PRKACB: variants seen among roughly 807,000 people sequenced by gnomAD.
PRKACB encodes the protein cAMP-dependent protein kinase catalytic subunit beta.
In PRKACB, 16 loss-of-function variants were observed where a neutral mutation model predicts 51.4. The observed-to-expected ratio is 0.31, with a 90% CI of 0.21 to 0.47. The LOEUF (loss-of-function observed/expected upper bound fraction) is 0.47, where lower values mean the gene tolerates loss of function less well. Ranked by LOEUF, PRKACB falls within the 20% of genes least tolerant of loss-of-function variation. PRKACB has a pLI of 1.00. For missense variants in PRKACB, 309 were observed against 464.5 expected (o/e 0.67, Z 3.08); for synonymous variants, 147 against 154.4 (o/e 0.95, Z 0.35).
At chr1:84,199,399 T>A (rs907389777) in intron 7 of PRKACB, among the ~76,000 whole-genome samples, 1 of 152,056 alleles carries the variant, frequency 6.6e-6, no homozygotes, top group Non-Finnish European at 1.5e-5. Context: ...TGAAAACATG[T>A]GGTATTTGGT....
chr1:84,078,473 C>T (rs1571488276), intron 1 of PRKACB: 2 of 1,366,278 alleles, frequency 1.5e-6, no homozygotes. Context: ...CGGGCCAGGC[C>T]TAGCAGCGGC....
rs532705456 is a variant in PRKACB at position 84,206,462 on chromosome 1, A to G, written c.906+3657A>G. Among the ~76,000 whole-genome samples the G allele has an allele frequency of 2.6e-5, 4 of 152,314 alleles. No homozygotes were observed. In the South Asian group the frequency reaches 6.2e-4, roughly 24 times the overall value. ...GGTACTTGAGGCTAAGATTTATTAC[A>G]ACAAAAGGGTACAAAGTGAAGATAG... On this transcript the variant is annotated intron_variant, in intron 8 of 9. Coordinates refer to ENST00000370685, the MANE Select transcript of PRKACB (RefSeq NM_182948.4).
At chr1:84,125,490 G>A (rs1186095161) in intron 1 of PRKACB, among the ~76,000 whole-genome samples, 2 of 152,140 alleles carry the variant, frequency 1.3e-5, no homozygotes, top group Non-Finnish European at 2.9e-5. Flanking sequence ...AGTCCAGTTA[G>A]GCATATATTG....
intron 1 of PRKACB, among the ~76,000 whole-genome samples, chr1:84,134,640 C>G (rs1002707305): frequency 6.6e-6 from 1 of 151,884 alleles, no homozygotes; most frequent in South Asian, 2.1e-4. Flanking sequence ...ATAAAATGTT[C>G]ATTTAAAACC....
intron 1 of PRKACB, among the ~76,000 whole-genome samples, chr1:84,092,810 A>G (rs1428525835): frequency 6.6e-6 from 1 of 151,378 alleles, no homozygotes; most frequent in Non-Finnish European, 1.5e-5. Flanking sequence ...TAATTTGTAC[A>G]TCCCTTATGA....
chr1:84,223,591 G>A (rs1021112345), intron 9 of PRKACB, among the ~76,000 whole-genome samples: 4 of 151,846 alleles, frequency 2.6e-5, no homozygotes, highest in African/African-American at 7.3e-5. Context: ...GGATGGTCTC[G>A]ATCTCCTGAC....
At chr1:84,178,048 C>A (rs539999875) in intron 1 of PRKACB, among the ~76,000 whole-genome samples, 1 of 152,120 alleles carries the variant, frequency 6.6e-6, no homozygotes, top group East Asian at 1.9e-4. Context: ...GCTCTTGGTG[C>A]CTGTCATCAT....
chr1:84,158,263 C>G (rs897535011), intron 1 of PRKACB, among the ~76,000 whole-genome samples: 3 of 151,988 alleles, frequency 2.0e-5, no homozygotes, highest in African/African-American at 7.2e-5. Flanking sequence ...GGCTTGAGCT[C>G]CTGACCTCAA....
At chr1:84,206,437 G>A (rs1235567586) in intron 8 of PRKACB, among the ~76,000 whole-genome samples, 1 of 152,082 alleles carries the variant, frequency 6.6e-6, no homozygotes, top group Non-Finnish European at 1.5e-5. Context: ...AGCATACAGT[G>A]GTACTTGAGG....
intron 2 of PRKACB, among the ~76,000 whole-genome samples, chr1:84,180,206 A>ATATG (rs1553173786): frequency 2.0e-4 from 26 of 127,138 alleles, no homozygotes; most frequent in African/African-American, 6.6e-4. Flanking sequence ...ATATATATAT[A>ATATG]TATGTATGAT....
intron 5 of PRKACB, among the ~76,000 whole-genome samples, chr1:84,189,514 A>C (rs1666136850): frequency 6.6e-6 from 1 of 151,866 alleles, no homozygotes; most frequent in African/African-American, 2.4e-5. Flanking sequence ...GGAGTTATCA[A>C]CCCAGCCAAG....
upstream of PRKACB, among the ~76,000 whole-genome samples, chr1:84,140,585 T>C (rs1441225216): frequency 6.6e-6 from 1 of 152,152 alleles, no homozygotes; most frequent in Non-Finnish European, 1.5e-5. Context: ...CTAAAGTACA[T>C]AGTTCTGCTT....
chr1:84,171,209 AAT>A (rs1355304248), intron 1 of PRKACB, among the ~76,000 whole-genome samples: 1 of 151,616 alleles, frequency 6.6e-6, no homozygotes, highest in African/African-American at 2.4e-5. Flanking sequence ...TAAGTGCTCA[AAT>A]TAGGAAAAAG....
At chr1:84,168,606 C>T (rs956655891) in intron 1 of PRKACB, among the ~76,000 whole-genome samples, 2 of 151,546 alleles carry the variant, frequency 1.3e-5, no homozygotes, top group Non-Finnish European at 3.0e-5. Flanking sequence ...AGCAGTACAT[C>T]ATTTCTGAAA....
intron 5 of PRKACB, among the ~76,000 whole-genome samples, chr1:84,192,663 C>G (rs1667137277): frequency 6.6e-6 from 1 of 152,102 alleles, no homozygotes; most frequent in South Asian, 2.1e-4. Flanking sequence ...AAGGCAATCT[C>G]TGAGTCCTGA....
intron 1 of PRKACB, among the ~76,000 whole-genome samples, chr1:84,080,742 T>A (rs1221749759): frequency 6.6e-6 from 1 of 150,946 alleles, no homozygotes; most frequent in African/African-American, 2.5e-5. Context: ...AAATATATGA[T>A]GTTAGAGATC....
intron 5 of PRKACB, among the ~76,000 whole-genome samples, chr1:84,190,869 T>G (rs1666564109): frequency 6.6e-6 from 1 of 152,132 alleles, no homozygotes; most frequent in Non-Finnish European, 1.5e-5. Flanking sequence ...CTTTTTTGTT[T>G]TCCATTTCCA....
intron 7 of PRKACB, among the ~76,000 whole-genome samples, chr1:84,200,774 G>A (rs2101373253): frequency 6.6e-6 from 1 of 152,226 alleles, no homozygotes; most frequent in East Asian, 1.9e-4. Flanking sequence ...TGTCAGCTTT[G>A]TCAAAGATCG....
chr1:84,196,840 C>T, intron 6 of PRKACB, 98 bp downstream of exon 6: 2 of 1,276,750 alleles, frequency 1.6e-6, no homozygotes, highest in Non-Finnish European at 2.2e-6. Context: ...TTGAAGAAGA[C>T]ACTTTCTCCT....
Sources: gnomAD v4.1 joint callset for allele counts (sites outside exome capture counted in the v4.1 genomes callset) on GRCh38, gnomAD v4.1.1 for gene constraint, MANE v1.5 for transcripts, NCBI Gene and HGNC (gene_info 2026-07-23, HGNC 2026-07-21) for gene names.